Variants in NTN4 observed in about 807,000 individuals in gnomAD.
NTN4 encodes netrin-4.
Under a neutral mutation model 73.6 loss-of-function variants are expected in NTN4, and 32 were observed. The observed-to-expected ratio is 0.44, with a 90% CI of 0.33 to 0.58. The LOEUF is 0.58. Ranked by LOEUF, NTN4 falls within the 20% of genes least tolerant of loss-of-function variation. The pLI, the probability that NTN4 is intolerant of heterozygous loss-of-function variation, is 0.04. For missense variants in NTN4, 654 were observed against 798.3 expected, an observed-to-expected ratio of 0.82 and a Z score of 2.18; for synonymous variants, 258 against 287.5, an observed-to-expected ratio of 0.90 and a Z score of 1.04.
intron 5 of NTN4, among the ~76,000 whole-genome samples, chr12:95,691,836 C>T (rs1411287518): frequency 3.3e-5 from 5 of 152,068 alleles, no homozygotes; most frequent in African/African-American, 1.2e-4. Flanking sequence ...GAGTGGTAAC[C>T]AGGTATATTT....
At chr12:95,661,041 A>G (rs1036455427) in intron 9 of NTN4, among the ~76,000 whole-genome samples, 1 of 152,222 alleles carries the variant, frequency 6.6e-6, no homozygotes, top group African/African-American at 2.4e-5. Context: ...ATAACTTGTC[A>G]AAGTTGTGGT....
At chr12:95,737,720 G>T in intron 3 of NTN4, 146 bp downstream of exon 3, 2 of 685,574 alleles carry the variant, frequency 2.9e-6, no homozygotes, top group Non-Finnish European at 4.8e-6. Context: ...AAGTTAACAG[G>T]CACTTTATAG....
intron 2 of NTN4, among the ~76,000 whole-genome samples, chr12:95,767,186 C>T (rs928831347): frequency 6.6e-6 from 1 of 152,098 alleles, no homozygotes; most frequent in Admixed American, 6.6e-5. Context: ...CCACCCTCTC[C>T]AACCACTCTC....
intron 3 of NTN4, among the ~76,000 whole-genome samples, chr12:95,716,999 A>G (rs1414110197): frequency 2.6e-5 from 4 of 151,970 alleles, no homozygotes; most frequent in Non-Finnish European, 4.4e-5. Flanking sequence ...TTGTAAAGAT[A>G]GGGTTTCACT....
In NTN4 at chr12:95,740,400, T is replaced by G. The variant is rs1393950775; in HGVS notation, c.586-2256A>C. 5.3e-5 allele frequency among the ~76,000 whole-genome samples: 8 copies of G among 152,286 alleles called. No individual in the cohort carries two copies. The East Asian group carries it at 1.5e-3, about 29-fold the overall frequency. On this transcript the variant is annotated intron_variant, in intron 2 of 9. Transcript: ENST00000343702. ...TGTTTTGTTCCCATAAGGAAGGGAATGTATCTATAGGCCCATCACTGATCC... is the reference window on the plus strand; with the variant it reads ...TGTTTTGTTCCCATAAGGAAGGGAAGGTATCTATAGGCCCATCACTGATCC...
intron 3 of NTN4, among the ~76,000 whole-genome samples, chr12:95,729,669 G>GTGTGTA (rs2078724198): frequency 6.8e-6 from 1 of 146,598 alleles, no homozygotes; most frequent in African/African-American, 2.7e-5. Context: ...GTGTGTGTGT[G>GTGTGTA]TGTGTATTTT....
intron 2 of NTN4, among the ~76,000 whole-genome samples, chr12:95,763,845 G>A (rs2079004167): frequency 6.6e-6 from 1 of 152,190 alleles, no homozygotes; most frequent in Non-Finnish European, 1.5e-5. Context: ...ACTGAGTGGA[G>A]ACAGTAGCAT....
At chr12:95,691,896 T>C (rs2121021494) in intron 5 of NTN4, among the ~76,000 whole-genome samples, 1 of 152,292 alleles carries the variant, frequency 6.6e-6, no homozygotes, top group Admixed American at 6.5e-5. Flanking sequence ...ACTGGAGTCA[T>C]CATTTTCCCC....
At chr12:95,786,046 G>T (rs563451112) in intron 2 of NTN4, among the ~76,000 whole-genome samples, 103 of 152,244 alleles carry the variant, frequency 6.8e-4, no homozygotes, top group African/African-American at 2.4e-3. Flanking sequence ...AATGTCCCCA[G>T]GGAAGAGGAG....
In NTN4 at chr12:95,657,962, G is replaced by C. The variant is rs1341455570; in HGVS notation, c.*1124C>G. 1 of 152,492 alleles carries C rather than the reference G, an allele frequency of 6.6e-6. No homozygotes were observed. The allele number at this position is 152,492 out of a possible 1,614,324, so 9.4% of individuals were successfully genotyped here. On this transcript the variant is annotated 3_prime_UTR_variant, in exon 10 of 10. Coordinates refer to ENST00000343702, the MANE Select transcript of NTN4 (RefSeq NM_021229.4). ...CTGTGTTCATGTTTTGTATATTCAAGTACAAAAGAAACTATGTATAGTGGT... is the reference window on the plus strand; with the variant it reads ...CTGTGTTCATGTTTTGTATATTCAACTACAAAAGAAACTATGTATAGTGGT...
intron 5 of NTN4, among the ~76,000 whole-genome samples, chr12:95,684,013 G>A (rs1208129124): frequency 1.3e-5 from 2 of 152,160 alleles, no homozygotes; most frequent in Admixed American, 6.5e-5. Flanking sequence ...AAGACAGGGT[G>A]GAAGGATTCA....
intron 3 of NTN4, among the ~76,000 whole-genome samples, chr12:95,736,034 G>A (rs2078775548): frequency 6.6e-6 from 1 of 151,812 alleles, no homozygotes; most frequent in Admixed American, 6.6e-5. Flanking sequence ...CGCCTCCCAG[G>A]TTCAAGTGAT....
At chr12:95,712,454 G>A (rs2078571338) in intron 4 of NTN4, among the ~76,000 whole-genome samples, 1 of 152,212 alleles carries the variant, frequency 6.6e-6, no homozygotes, top group South Asian at 2.1e-4. Context: ...CTGAGCCTCA[G>A]TTTCCTGATC....
intron 2 of NTN4, among the ~76,000 whole-genome samples, chr12:95,747,296 T>C (rs1036502564): frequency 6.6e-6 from 1 of 152,242 alleles, no homozygotes; most frequent in Admixed American, 6.5e-5. Flanking sequence ...TAATTTGTGA[T>C]ACCTATTATT....
chr12:95,767,463 A>G (rs924457547), intron 2 of NTN4, among the ~76,000 whole-genome samples: 23 of 152,310 alleles, frequency 1.5e-4, no homozygotes, highest in African/African-American at 5.3e-4. Flanking sequence ...TCCCTTAACT[A>G]GTTTCTCCTC....
intron 2 of NTN4, among the ~76,000 whole-genome samples, chr12:95,742,755 ATCCTGTTTG>A (rs1361043058): frequency 6.6e-6 from 1 of 152,144 alleles, no homozygotes; most frequent in African/African-American, 2.4e-5. Context: ...GAGGGCAGGG[ATCCTGTTTG>A]TCTGGTTCAC....
intron 2 of NTN4, among the ~76,000 whole-genome samples, chr12:95,765,392 C>T (rs777382094): frequency 1.5e-5 from 2 of 135,658 alleles, no homozygotes; most frequent in East Asian, 2.3e-4. Context: ...CTTGTGTTCA[C>T]GTTATCTACT....
At chr12:95,728,223 T>C (rs2078709941) in intron 3 of NTN4, among the ~76,000 whole-genome samples, 2 of 152,190 alleles carry the variant, frequency 1.3e-5, no homozygotes, top group African/African-American at 4.8e-5. Context: ...TAAGATTATA[T>C]CATTTGTGAA....
chr12:95,790,183 AC>A lies in NTN4; in HGVS notation c.55+71del. The A allele has an allele frequency of 7.3e-7, 1 of 1,372,936 alleles. No homozygotes were observed. Among genetic ancestry groups the A allele is most frequent in the Non-Finnish European group, 9.9e-7 (1 of 1,010,952 alleles). 85.0% of individuals were successfully genotyped at this position (1,372,936 alleles called of 1,614,324 possible). ...GCGCTCGCAGCCCTGGCTCCCCTGC[AC>A]CCCCGAGTCCCGAGATGGGTTAGAG... On this transcript the variant is annotated intron_variant, in intron 1 of 9. Coordinates refer to ENST00000343702, the MANE Select transcript of NTN4 (RefSeq NM_021229.4). This position sits in a 1 kb window ranked among gnomAD's most constrained non-coding sequence, Gnocchi z 6.5.
Sources: gnomAD v4.1 joint callset for allele counts (sites outside exome capture counted in the v4.1 genomes callset) on GRCh38, gnomAD v4.1.1 for gene constraint, Gnocchi (gnomAD v3.1) non-coding constraint, MANE v1.5 for transcripts, NCBI Gene and HGNC (gene_info 2026-07-23, HGNC 2026-07-21) for gene names.